Variants in CD99L2 observed in about 807,000 individuals in gnomAD.
CD99L2 encodes the protein CD99 antigen-like protein 2.
Under a neutral mutation model 27.3 loss-of-function variants are expected in CD99L2, and 24 were observed. The ratio of observed to expected loss-of-function variants is 0.88; its 90% CI spans 0.64 to 1.24. CD99L2 has a LOEUF of 1.24. Among genes scored for constraint, CD99L2 ranks in the 50% most tolerant of loss-of-function variants. The pLI is 0.00. For missense variants in CD99L2, 255 were observed against 221.6 expected (o/e 1.15, Z -0.96); for synonymous variants, 97 against 87.9 (o/e 1.10, Z -0.58).
At chrX:150,800,375 G>A (rs1305444483) in intron 4 of CD99L2, among the ~76,000 whole-genome samples, 7 of 111,616 alleles carry the variant, frequency 6.3e-5, no homozygotes, top group African/African-American at 2.3e-4. Flanking sequence ...AGAATCATGT[G>A]TTTGACCAAC....
In CD99L2 at chrX:150,781,750, C is replaced by A. The variant is rs73250575; in HGVS notation, c.497-4268G>T. ...GGGACCGTCACTGTAGCAATAGTGA[C>A]CACTGCCATAGCAGGTCTCATAGCT... On this transcript the variant is annotated intron_variant, in intron 7 of 10. Transcript: ENST00000370377. Among the ~76,000 whole-genome samples, 766 of 111,917 alleles carry A rather than the reference C, an allele frequency of 6.8e-3. 4 individuals are homozygous for A. Among genetic ancestry groups the A allele is most frequent in the South Asian group, 0.027 (73 of 2,679 alleles).
chrX:150,843,996 G>A (rs782457118), intron 1 of CD99L2, among the ~76,000 whole-genome samples: 14 of 112,072 alleles, frequency 1.2e-4, no homozygotes, highest in African/African-American at 4.5e-4. Flanking sequence ...CAGAATCAAA[G>A]TTGGACCTGA....
At chrX:150,796,910 G>T (rs2045805798) in intron 4 of CD99L2, among the ~76,000 whole-genome samples, 2 of 111,887 alleles carry the variant, frequency 1.8e-5, no homozygotes, top group South Asian at 3.7e-4. Context: ...AAGGGTCAAA[G>T]AAAAAGTTTC....
intron 1 of CD99L2, among the ~76,000 whole-genome samples, chrX:150,851,255 C>T (rs2046787507): frequency 8.9e-6 from 1 of 112,147 alleles, no homozygotes; most frequent in South Asian, 3.7e-4. Flanking sequence ...TCTTCTTCCT[C>T]CCTTTTCCCA....
intron 1 of CD99L2, among the ~76,000 whole-genome samples, chrX:150,887,481 T>TAAATAAATA (rs1173688504): frequency 9.3e-6 from 1 of 107,184 alleles, no homozygotes; most frequent in East Asian, 2.9e-4. Context: ...AATAAATAAA[T>TAAATAAATA]AAATAAAATA....
intron 9 of CD99L2, chrX:150,771,700 G>C: frequency 5.3e-6 from 5 of 942,110 alleles, no homozygotes; most frequent in Non-Finnish European, 7.3e-6. Context: ...GAGTGCCAGG[G>C]AAGCAGGAGG....
chrX:150,777,921 C>G (rs1360724640), intron 7 of CD99L2, among the ~76,000 whole-genome samples: 2 of 112,148 alleles, frequency 1.8e-5, no homozygotes, highest in East Asian at 5.6e-4. Context: ...GCTGAAGTTG[C>G]TCTTGGAACA....
intron 1 of CD99L2, 98 bp from the exon 2 acceptor site, chrX:150,831,391 A>G: frequency 1.4e-6 from 1 of 725,883 alleles, no homozygotes. Flanking sequence ...AAAGTGAAGG[A>G]ATAACAAAAG....
Position 150,831,229 on chromosome X carries a change from A to G in CD99L2, c.130+2T>C. 1 of 1,194,618 alleles carries G rather than the reference A, an allele frequency of 8.4e-7. No homozygotes were observed. Among genetic ancestry groups the G allele is most frequent in the Non-Finnish European group, 1.1e-6 (1 of 881,744 alleles). ...TAATAGTTTATTTGATTTACTACTC[A>G]CGCTTTACTGAGGAAGTTTCTTTCA... On this transcript the variant is annotated splice_donor_variant, in intron 2 of 10. Coordinates refer to ENST00000370377, the MANE Select transcript of CD99L2 (RefSeq NM_031462.4). LOFTEE classifies it high-confidence loss of function.
intron 7 of CD99L2, among the ~76,000 whole-genome samples, chrX:150,777,881 G>A (rs2045428492): frequency 8.9e-6 from 1 of 112,296 alleles, no homozygotes; most frequent in South Asian, 3.7e-4. Flanking sequence ...ACCACCACGG[G>A]TCTCTGACGT....
intron 1 of CD99L2, among the ~76,000 whole-genome samples, chrX:150,835,845 A>G (rs1048627230): frequency 1.6e-4 from 18 of 111,783 alleles, no homozygotes; most frequent in Non-Finnish European, 1.5e-4. Context: ...CTCCATAGAG[A>G]AGTAAGAGGG....
At chrX:150,783,400 C>T (rs2045545583) in intron 7 of CD99L2, among the ~76,000 whole-genome samples, 1 of 111,340 alleles carries the variant, frequency 9.0e-6, no homozygotes, top group African/African-American at 3.3e-5. Flanking sequence ...TCAGTACCGT[C>T]CCCTTTAACC....
chrX:150,873,674 C>T (rs939013563), intron 1 of CD99L2, among the ~76,000 whole-genome samples: 1 of 111,510 alleles, frequency 9.0e-6, no homozygotes, highest in Non-Finnish European at 1.9e-5. Flanking sequence ...TGCAGGGAAT[C>T]GGGTTGGAGT....
intron 10 of CD99L2, among the ~76,000 whole-genome samples, chrX:150,769,656 G>GC (rs2043383136): frequency 9.2e-6 from 1 of 108,230 alleles, no homozygotes; most frequent in African/African-American, 3.4e-5. Flanking sequence ...ACACTCGCCT[G>GC]AGCTGTCCTA....
At chrX:150,859,882 C>T (rs1042986587) in intron 1 of CD99L2, among the ~76,000 whole-genome samples, 6 of 110,778 alleles carry the variant, frequency 5.4e-5, no homozygotes, top group Non-Finnish European at 7.6e-5. Flanking sequence ...AGATTCACTA[C>T]AGAATTCTAA....
chrX:150,852,706 T>A (rs2046811759), intron 1 of CD99L2, among the ~76,000 whole-genome samples: 1 of 110,717 alleles, frequency 9.0e-6, no homozygotes, highest in East Asian at 2.9e-4. Flanking sequence ...AATGGAATCA[T>A]CCAGTACATG....
chrX:150,896,796 C>T (rs191766556), intron 1 of CD99L2, among the ~76,000 whole-genome samples: 198 of 112,530 alleles, frequency 1.8e-3, no homozygotes, highest in African/African-American at 6.2e-3. Flanking sequence ...GCAGTGACTG[C>T]GCAGTCAGAC....
intron 1 of CD99L2, among the ~76,000 whole-genome samples, chrX:150,838,493 A>G (rs2078604798): frequency 9.0e-6 from 1 of 111,348 alleles, no homozygotes; most frequent in Non-Finnish European, 1.9e-5. Flanking sequence ...ATTTTTCTGT[A>G]TATCTAACTG....
intron 9 of CD99L2, among the ~76,000 whole-genome samples, chrX:150,771,061 G>A (rs1337106129): frequency 2.7e-5 from 3 of 112,389 alleles, no homozygotes; most frequent in Middle Eastern, 8.4e-3. Flanking sequence ...AGTTCTTAGA[G>A]TGGACCCCAC....
Sources: gnomAD v4.1 joint callset for allele counts (sites outside exome capture counted in the v4.1 genomes callset) on GRCh38, gnomAD v4.1.1 for gene constraint, MANE v1.5 for transcripts, NCBI Gene and HGNC (gene_info 2026-07-23, HGNC 2026-07-21) for gene names.